ZNF831: variants seen among roughly 807,000 people sequenced by gnomAD.
ZNF831 encodes chromosome 20 open reading frame 174.
Under a neutral mutation model 95.8 loss-of-function variants are expected in ZNF831, and 59 were observed. That is an observed-to-expected ratio of 0.62 (90% CI 0.50 to 0.77). ZNF831 has a LOEUF of 0.77. ZNF831 is among the 30% of genes least tolerant of loss of function. The probability of loss-of-function intolerance (pLI) is 0.00; values close to 1 mark genes in which losing one functional copy is unlikely to be tolerated. For synonymous variants in ZNF831, 961 were observed against 925.5 expected, an observed-to-expected ratio of 1.04 and a Z score of -0.70; for missense variants, 2,205 against 2,164.0, an observed-to-expected ratio of 1.02 and a Z score of -0.38.
At chr20:59,168,126 A>T (rs1274432188) in intron 1 of ZNF831, among the ~76,000 whole-genome samples, 2 of 152,196 alleles carry the variant, frequency 1.3e-5, no homozygotes, top group Non-Finnish European at 1.5e-5. Flanking sequence ...GCCCACAAAA[A>T]TATCTTACTA....
At position 59,253,081 on chromosome 20, in the gene ZNF831, C is replaced by A; in HGVS notation, c.4131C>A (p.Thr1377=). The change falls in exon 5 of 6, where the codon ACC becomes ACA. Residue 1377 remains threonine (T), a synonymous_variant. Transcript: ENST00000371030. ...GTGACTGCAGACAAACCTTAGGAAC[C>A]CTCTCTCTTGGTACAAGTTCAAGAA... The part of the protein sequence containing the change: ...KEGDCRQTLG[T]LSLGTSSRIV... The A allele has an allele frequency of 6.2e-7, 1 of 1,614,076 alleles. No homozygotes were observed.
intron 1 of ZNF831, among the ~76,000 whole-genome samples, chr20:59,129,012 C>A (rs752583579): frequency 1.3e-5 from 2 of 152,166 alleles, no homozygotes; most frequent in Non-Finnish European, 1.5e-5. Flanking sequence ...GATCCGCCAG[C>A]CTTGGCCTCC....
intron 1 of ZNF831, among the ~76,000 whole-genome samples, chr20:59,127,816 C>A (rs764066335): frequency 7.9e-5 from 12 of 152,230 alleles, no homozygotes; most frequent in Non-Finnish European, 1.2e-4. Context: ...GCCCGTGGAA[C>A]TTTTCTGAAT....
chr20:59,194,264 G>A lies in ZNF831; in HGVS notation c.3245G>A (p.Ser1082Asn), dbSNP rs2146596506. The change falls in exon 2 of 6, where the codon AGC becomes AAC. Residue 1082 changes from serine to asparagine, a missense_variant. Physicochemically the swap from Ser to Asn is conservative, Grantham distance 46. Coordinates refer to ENST00000371030, the MANE Select transcript of ZNF831 (RefSeq NM_178457.3). The stretch of plus-strand genomic sequence containing the variant: ...CGTATCCATCGCCTCTGCATGGGCA[G>A]CACTTTGGCAAGGGCCAGGCTCTCT... ...SHRIHRLCMG[S>N]TLARARLSGD... The A allele has an allele frequency of 6.2e-7, 1 of 1,614,022 alleles. No individual in the cohort carries two copies. Among genetic ancestry groups the A allele is most frequent in the South Asian group, 1.1e-5 (1 of 91,086 alleles).
At chr20:59,129,610 G>A (rs1979286647) in intron 1 of ZNF831, among the ~76,000 whole-genome samples, 2 of 152,180 alleles carry the variant, frequency 1.3e-5, no homozygotes, top group Admixed American at 1.3e-4. Context: ...GTGACAGAGT[G>A]AGTCTCTGGC....
Position 59,254,443 on chromosome 20 carries a change from T to G in ZNF831, c.4734T>G (p.Ser1578Arg), listed in dbSNP as rs780156505. 1 of 1,614,180 alleles carries G rather than the reference T, an allele frequency of 6.2e-7. No homozygotes were observed. The highest frequency in any genetic ancestry group is 2.2e-5 in the East Asian group (1 of 44,876). ...CAGCTTCAGGACCAAGTTCAGCTAG[T>G]TCACACCACAAGGAAGGGAGACACA... ...EIPASGPSSA[S>R]SHHKEGRHKT... Residue 1578 changes from serine (S) to arginine (R), a missense_variant, in exon 6 of 6, where the codon AGT (serine) becomes AGG (arginine). Transcript: ENST00000371030. The surrounding 1 kb of genome is among the most constrained non-coding windows in gnomAD (Gnocchi z 4.5).
intron 1 of ZNF831, among the ~76,000 whole-genome samples, chr20:59,170,430 A>G (rs542900854): frequency 6.6e-6 from 1 of 152,302 alleles, no homozygotes; most frequent in South Asian, 2.1e-4. Flanking sequence ...GTTTTCAAGT[A>G]TATGAAGCTG....
chr20:59,135,679 C>G (rs1037254336), intron 1 of ZNF831, among the ~76,000 whole-genome samples: 2 of 151,922 alleles, frequency 1.3e-5, no homozygotes, highest in African/African-American at 2.4e-5. Flanking sequence ...GGCAGTGAGC[C>G]GAGACTGTGC....
At chr20:59,246,211 T>C (rs930075761) in intron 4 of ZNF831, among the ~76,000 whole-genome samples, 1 of 152,064 alleles carries the variant, frequency 6.6e-6, no homozygotes, top group Non-Finnish European at 1.5e-5. Context: ...CTCTTCTCTC[T>C]CTGTGCCTTC....
chr20:59,244,181 A>G (rs559728472), intron 4 of ZNF831, among the ~76,000 whole-genome samples: 7 of 42,326 alleles, frequency 1.7e-4, no homozygotes, highest in East Asian at 0.014. Context: ...GGTTTCTGGG[A>G]AAAAAAACAG....
At chr20:59,124,520 T>C (rs1979105716) in intron 1 of ZNF831, among the ~76,000 whole-genome samples, 4 of 152,222 alleles carry the variant, frequency 2.6e-5, no homozygotes, top group South Asian at 4.1e-4. Context: ...TTCTGTTGAC[T>C]CTAAACCCCG....
chr20:59,146,958 A>T (rs1184971390), intron 2 of ZNF831: 1 of 152,294 alleles, frequency 6.6e-6, no homozygotes, highest in Non-Finnish European at 1.5e-5. Flanking sequence ...CGGCATGGAA[A>T]ATACTAAGTG....
chr20:59,150,689 T>A (rs994971893), intron 2 of ZNF831, among the ~76,000 whole-genome samples: 2 of 152,192 alleles, frequency 1.3e-5, no homozygotes, highest in Non-Finnish European at 2.9e-5. Context: ...CTGTGGCCAG[T>A]ACTCCGCGCC....
intron 1 of ZNF831, among the ~76,000 whole-genome samples, chr20:59,139,415 A>G (rs1462061486): frequency 6.6e-6 from 1 of 151,996 alleles, no homozygotes; most frequent in East Asian, 1.9e-4. Flanking sequence ...TTTTTACTCC[A>G]CCCAGCCCCC....
At chr20:59,218,608 A>T (rs259988) in intron 4 of ZNF831, among the ~76,000 whole-genome samples, 38,198 of 146,274 alleles carry the variant, frequency 0.26, 7,100 homozygotes, top group African/African-American at 0.54. Flanking sequence ...TTTTTTTTTT[A>T]TATATATAAC....
At chr20:59,204,404 C>T (rs1984736162) in intron 3 of ZNF831, among the ~76,000 whole-genome samples, 1 of 152,208 alleles carries the variant, frequency 6.6e-6, no homozygotes, top group South Asian at 2.1e-4. Flanking sequence ...CATGTGACCC[C>T]CACCACATGT....
chr20:59,185,675 G>A (rs1230485192), intron 1 of ZNF831, among the ~76,000 whole-genome samples: 2 of 152,128 alleles, frequency 1.3e-5, no homozygotes. Context: ...CGCACACTCC[G>A]GGCTGTTGAT....
intron 4 of ZNF831, among the ~76,000 whole-genome samples, chr20:59,215,901 C>A (rs528659878): frequency 1.3e-5 from 2 of 152,220 alleles, no homozygotes; most frequent in African/African-American, 4.8e-5. Flanking sequence ...TAAGTTCTAG[C>A]CAGAATCTGT....
chr20:59,231,319 A>G (rs1446354315), intron 4 of ZNF831, among the ~76,000 whole-genome samples: 1 of 152,226 alleles, frequency 6.6e-6, no homozygotes, highest in African/African-American at 2.4e-5. Context: ...CATGAGCTAG[A>G]GATCTAGATA....
Sources: gnomAD v4.1 joint callset for allele counts (sites outside exome capture counted in the v4.1 genomes callset) on GRCh38, gnomAD v4.1.1 for gene constraint, Gnocchi (gnomAD v3.1) non-coding constraint, MANE v1.5 for transcripts, NCBI Gene and HGNC (gene_info 2026-07-23, HGNC 2026-07-21) for gene names.